Variants in POLN observed in about 807,000 individuals in gnomAD.
POLN encodes DNA polymerase nu.
Under a neutral mutation model 113.5 loss-of-function variants are expected in POLN, and 108 were observed. That is an observed-to-expected ratio of 0.95 (90% CI 0.81 to 1.12). The LOEUF is 1.12. Ranked by LOEUF, POLN falls within the 50% of genes most tolerant of loss-of-function variation. The pLI, the probability that POLN is intolerant of heterozygous loss-of-function variation, is 0.00. For missense variants in POLN, 1,097 were observed against 1,077.1 expected (o/e 1.02, Z -0.26); for synonymous variants, 386 against 391.5 (o/e 0.99, Z 0.17).
At position 2,083,805 on chromosome 4, in the gene POLN, C is replaced by G. The variant is rs1437831281; in HGVS notation, c.2197+1808G>C. 5.9e-5 allele frequency among the ~76,000 whole-genome samples: 9 copies of G among 152,384 alleles called. No homozygotes were observed. In the East Asian group the frequency reaches 1.5e-3, roughly 26 times the overall value. ...ACCGGCTGTGGCCCCACTGATGCCA[C>G]CTGGCATAGAAAGGTGTGTGATGGA... On this transcript the variant is annotated intron_variant, in intron 21 of 25. Transcript: ENST00000511885.
At chr4:2,123,514 C>G (rs1731498836) in intron 19 of POLN, among the ~76,000 whole-genome samples, 1 of 150,054 alleles carries the variant, frequency 6.7e-6, no homozygotes, top group Admixed American at 6.7e-5. Flanking sequence ...GTAATCCCAG[C>G]TACTCGGGAG....
chr4:2,146,908 G>C (rs1321615576), intron 16 of POLN, among the ~76,000 whole-genome samples: 2 of 152,122 alleles, frequency 1.3e-5, no homozygotes, highest in African/African-American at 4.8e-5. Context: ...ATCCCAGCTA[G>C]ATACTAAAAA....
At position 2,229,109 on chromosome 4, in the gene POLN, C is replaced by T; in HGVS notation, c.123G>A (p.Lys41=). 1 of 1,602,638 alleles carries T rather than the reference C, an allele frequency of 6.2e-7. No individual in the cohort carries two copies. The highest frequency in any genetic ancestry group is 8.5e-7 in the Non-Finnish European group (1 of 1,173,338). ...ATAAAAATTACTTACTCTCTGTACT[C>T]TTTCCCCAAGTCTTAGAATCCACTA... The part of the protein sequence containing the change: ...GDLVDSKTWG[K]STETMEVINK... Residue 41 remains lysine (K), a synonymous_variant, in exon 3 of 26, where the codon AAG becomes AAA. Coordinates refer to ENST00000511885, the MANE Select transcript of POLN (RefSeq NM_181808.4).
At chr4:2,078,489 G>A (rs947899510) in intron 23 of POLN, 3 of 407,248 alleles carry the variant, frequency 7.4e-6, no homozygotes, top group Admixed American at 7.9e-5. Context: ...TTTTTTTTTT[G>A]TTAGACAGAC....
chr4:2,225,596 G>T (rs1328787516), intron 3 of POLN, among the ~76,000 whole-genome samples: 1 of 149,492 alleles, frequency 6.7e-6, no homozygotes, highest in African/African-American at 2.5e-5. Flanking sequence ...TGGAATTACA[G>T]ATTTTAGTTT....
chr4:2,179,549 G>T (rs35024704), intron 7 of POLN, 84 bp from the exon 8 acceptor site: 69,077 of 1,292,154 alleles, frequency 0.053, 2,551 homozygotes, highest in African/African-American at 0.17. Context: ...AAGTTCAAAC[G>T]AATAGTAGTA....
chr4:2,156,443 T>G, intron 16 of POLN: 1 of 479,262 alleles, frequency 2.1e-6, no homozygotes, highest in Non-Finnish European at 4.1e-6. Context: ...CTGTTCATCA[T>G]AGCATCAGAT....
At chr4:2,190,901 G>C (rs1004059873) in intron 7 of POLN, among the ~76,000 whole-genome samples, 19 of 152,168 alleles carry the variant, frequency 1.2e-4, no homozygotes, top group Non-Finnish European at 2.6e-4. Flanking sequence ...GGAGAAAGGG[G>C]AACCCTCATA....
rs555613020 is a variant in POLN, at chr4:2,126,611, T to C, written c.1982+1502A>G. On this transcript the variant is annotated intron_variant, in intron 19 of 25. Transcript: ENST00000511885. This position sits in a 1 kb window ranked among gnomAD's most constrained non-coding sequence, Gnocchi z 4.6. The stretch of plus-strand genomic sequence containing the variant: ...GAGAGAAGCGGAGACCAGAGAGGAG[T>C]GGAGACCAGAGAGGAGTGGAGACCA... Among the ~76,000 whole-genome samples, 2 of 149,720 alleles carry C rather than the reference T, an allele frequency of 1.3e-5. No homozygotes were observed. Among genetic ancestry groups the C allele is most frequent in the Admixed American group, 6.6e-5 (1 of 15,086 alleles).
At chr4:2,209,478 C>CGGA (rs1381564209) in intron 4 of POLN, among the ~76,000 whole-genome samples, 31 of 111,080 alleles carry the variant, frequency 2.8e-4, no homozygotes, top group African/African-American at 1.2e-3. Context: ...GACTCCGTCT[C>CGGA]AGAAAAAAAA....
At chr4:2,212,902 T>C in intron 4 of POLN, 145 bp downstream of exon 4, 2 of 468,586 alleles carry the variant, frequency 4.3e-6, no homozygotes, top group Non-Finnish European at 3.6e-6. Flanking sequence ...AATTAAACTA[T>C]AAGTTCTTGG....
intron 2 of POLN, among the ~76,000 whole-genome samples, chr4:2,237,379 T>G (rs1305645025): frequency 6.9e-6 from 1 of 145,506 alleles, no homozygotes; most frequent in Non-Finnish European, 1.5e-5. Flanking sequence ...GAGGTTGCAG[T>G]GAGCTATCAT....
At chr4:2,204,620 A>G (rs981004206) in intron 5 of POLN, among the ~76,000 whole-genome samples, 1 of 152,192 alleles carries the variant, frequency 6.6e-6, no homozygotes, top group African/African-American at 2.4e-5. Context: ...TACCAATACC[A>G]GGAAAGGATA....
chr4:2,149,354 A>G (rs1233149317), intron 16 of POLN, among the ~76,000 whole-genome samples: 2 of 152,080 alleles, frequency 1.3e-5, no homozygotes, highest in Non-Finnish European at 2.9e-5. Flanking sequence ...AAACAAAACC[A>G]AAGATGAAAT....
chr4:2,142,471 C>A (rs1561033808), intron 16 of POLN, among the ~76,000 whole-genome samples: 1 of 152,182 alleles, frequency 6.6e-6, no homozygotes, highest in Non-Finnish European at 1.5e-5. Context: ...TAAACACGTT[C>A]CCTATCCCTG....
intron 7 of POLN, among the ~76,000 whole-genome samples, chr4:2,181,517 A>C (rs1340058269): frequency 6.6e-6 from 1 of 152,094 alleles, no homozygotes; most frequent in Non-Finnish European, 1.5e-5. Flanking sequence ...AATAAAATAA[A>C]ATTTTAAAAA....
Position 2,213,100 on chromosome 4 carries a change from C to T in POLN, c.160G>A (p.Val54Ile), listed in dbSNP as rs780351047. ...TCTTCAAGTTGTACTGAATACTTAA[C>T]ACTGGACTTGTTTATCACTTCCATA... is the stretch of plus-strand genomic sequence containing the variant. ...ETMEVINKSS[V>I]KYSVQLEDRK... Residue 54 changes from valine (V) to isoleucine (I), a missense_variant, in exon 4 of 26, where the codon GTT (valine) becomes ATT (isoleucine). Val to Ile is a conservative substitution (Grantham distance 29). Coordinates refer to ENST00000511885, the MANE Select transcript of POLN (RefSeq NM_181808.4). 7 of 1,608,146 alleles carry T rather than the reference C, an allele frequency of 4.4e-6. No homozygotes were observed. The highest frequency in any genetic ancestry group is 4.0e-5 in the African/African-American group (3 of 74,670).
chr4:2,130,838 G>T (rs540943322), intron 17 of POLN, among the ~76,000 whole-genome samples: 2 of 152,126 alleles, frequency 1.3e-5, no homozygotes, highest in Non-Finnish European at 2.9e-5. Flanking sequence ...ACTTCAGGAA[G>T]GTGAAGCAGT....
intron 19 of POLN, among the ~76,000 whole-genome samples, chr4:2,111,971 C>G (rs566001342): frequency 6.6e-6 from 1 of 152,296 alleles, no homozygotes; most frequent in South Asian, 2.1e-4. Context: ...CATCACGCTA[C>G]CTGACTTCAA....
Sources: allele counts gnomAD v4.1 joint callset (sites outside exome capture counted in the v4.1 genomes callset), GRCh38; gene constraint gnomAD v4.1.1; non-coding constraint Gnocchi (gnomAD v3.1); transcripts MANE v1.5; gene names NCBI Gene and HGNC (gene_info 2026-07-23, HGNC 2026-07-21).